AQR: variants seen among roughly 807,000 people sequenced by gnomAD.
AQR encodes aquarius intron-binding spliceosomal factor, also known as RNA helicase aquarius.
A neutral mutation model predicts 180.5 loss-of-function variants in AQR; 61 were observed. That is an observed-to-expected ratio of 0.34 (90% CI 0.28 to 0.42). The LOEUF (loss-of-function observed/expected upper bound fraction) is 0.42. Among genes scored for constraint, AQR ranks in the 10% least tolerant of loss-of-function variants. The probability of loss-of-function intolerance (pLI) is 1.00; values close to 1 mark genes in which losing one functional copy is unlikely to be tolerated. For synonymous variants in AQR, 551 were observed against 588.8 expected (o/e 0.94, Z 0.93); for missense variants, 1,281 against 1,798.3 (o/e 0.71, Z 5.20).
chr15:34,969,618 G>A lies in AQR; in HGVS notation c.-5C>T. The A allele has an allele frequency of 1.2e-6, 2 of 1,612,746 alleles. No individual in the cohort carries two copies. Among genetic ancestry groups the A allele is most frequent in the Non-Finnish European group, 8.5e-7 (1 of 1,179,936 alleles). On this transcript the variant is annotated 5_prime_UTR_variant, in exon 1 of 35. Transcript: ENST00000156471. ...GGGCTGCGCAGGGGCTGCCATGGCA[G>A]CACTCTTCCCTCCACTCCAGTGGAA...
At chr15:34,910,535 A>C (rs1161694509) in intron 16 of AQR, among the ~76,000 whole-genome samples, 1 of 152,202 alleles carries the variant, frequency 6.6e-6, no homozygotes, top group African/African-American at 2.4e-5. Flanking sequence ...TGAAACAGGC[A>C]AACATGGTCC....
chr15:34,936,269 C>T (rs1036000707), intron 9 of AQR, among the ~76,000 whole-genome samples: 1 of 152,154 alleles, frequency 6.6e-6, no homozygotes, highest in African/African-American at 2.4e-5. Flanking sequence ...AACTACAATC[C>T]TTCTCAAAAT....
chr15:34,911,348 AT>A (rs1246468293), intron 16 of AQR, among the ~76,000 whole-genome samples: 1 of 152,098 alleles, frequency 6.6e-6, no homozygotes, highest in Non-Finnish European at 1.5e-5. Context: ...CTGTTTTTTA[AT>A]TTTTTGAGGA....
At position 34,860,067 on chromosome 15, in the gene AQR, A is replaced by G; in HGVS notation, c.4118T>C (p.Ile1373Thr). 6.7e-7 allele frequency: 1 copy of G among 1,483,528 alleles called. No homozygotes were observed. Among genetic ancestry groups the G allele is most frequent in the South Asian group, 1.5e-5 (1 of 68,710 alleles). 91.9% of individuals were successfully genotyped at this position (1,483,528 alleles called of 1,614,324 possible). The change falls in exon 34 of 35, where the codon ATA becomes ACA. Residue 1373 changes from isoleucine to threonine, a missense_variant. Physicochemically the swap from Ile to Thr is moderately conservative, Grantham distance 89. Coordinates refer to ENST00000156471, the MANE Select transcript of AQR (RefSeq NM_014691.3). ...NFVYNMYMHL[I>T]QTTHHYHQTL... The stretch of plus-strand genomic sequence containing the variant: ...CTGATGATAATGATGTGTAGTCTGT[A>G]TCAAATGCATGTACATGTTGTATAC...
In AQR at chr15:34,930,299, C is replaced by G; in HGVS notation, c.973G>C (p.Glu325Gln). The change falls in exon 12 of 35, where the codon GAG becomes CAG. Residue 325 changes from glutamate (E) to glutamine (Q), a missense_variant. By Grantham distance (29) the Glu-to-Gln change is conservative. Around this residue, in one of 9 missense-constraint regions of AQR, gnomAD observed 404 missense variants for 490.9 expected, o/e 0.82. Coordinates refer to ENST00000156471, the MANE Select transcript of AQR (RefSeq NM_014691.3). ...CTATCATAGTGAATTGTGGTCATCTCATTCTCTGTCAGAGCATTTCCAGTT... is the reference window on the plus strand; with the variant it reads ...CTATCATAGTGAATTGTGGTCATCTGATTCTCTGTCAGAGCATTTCCAGTT... ...DQTGNALTENEMTTIHYDRIT... is the reference protein window; with the variant it reads ...DQTGNALTENQMTTIHYDRIT... 6.2e-7 allele frequency: 1 copy of G among 1,610,238 alleles called. No homozygotes were observed.
At chr15:34,938,601 A>T (rs1595803884) in intron 9 of AQR, 136 bp downstream of exon 9, 2 of 579,592 alleles carry the variant, frequency 3.5e-6, no homozygotes, top group Non-Finnish European at 6.2e-6. Flanking sequence ...TAATGTATTT[A>T]AAAAGGAGAG....
intron 3 of AQR, among the ~76,000 whole-genome samples, chr15:34,955,521 T>C (rs995140684): frequency 1.3e-5 from 2 of 152,156 alleles, no homozygotes; most frequent in African/African-American, 4.8e-5. Flanking sequence ...TTGACAAGAT[T>C]GACAAGGGCC....
Position 34,900,637 on chromosome 15 carries a change from T to C in AQR, c.2228A>G (p.Gln743Arg), listed in dbSNP as rs758591290. ...CTGACTTTACCTGAAAGGGGGTATT[T>C]GTAGAGCAGGGTCTTCTACAGTTAC... is the stretch of plus-strand genomic sequence containing the variant. ...VKVTVEDPALQIPPFRITFPV... is the reference protein window; with the variant it reads ...VKVTVEDPALRIPPFRITFPV... Residue 743 changes from glutamine to arginine, a missense_variant, in exon 20 of 35, where the codon CAA becomes CGA. By Grantham distance (43) the Gln-to-Arg change is conservative (BLOSUM62 1). Coordinates refer to ENST00000156471, the MANE Select transcript of AQR (RefSeq NM_014691.3). The C allele has an allele frequency of 6.2e-7, 1 of 1,613,944 alleles. No homozygotes were observed. Among genetic ancestry groups the C allele is most frequent in the South Asian group, 1.1e-5 (1 of 91,026 alleles).
chr15:34,902,943 C>G (rs939907628), intron 19 of AQR, among the ~76,000 whole-genome samples: 4 of 152,056 alleles, frequency 2.6e-5, no homozygotes, highest in African/African-American at 9.7e-5. Context: ...AATTCAGATA[C>G]ATAACAAATG....
intron 18 of AQR, 86 bp from the exon 19 acceptor site, chr15:34,904,591 G>A (rs1456856542): frequency 7.8e-7 from 1 of 1,286,830 alleles, no homozygotes; most frequent in Non-Finnish European, 1.1e-6. Flanking sequence ...TCTAGAAATG[G>A]TGAGTAAATG....
At chr15:34,862,327 C>T (rs7497306) in intron 33 of AQR, among the ~76,000 whole-genome samples, 93,837 of 151,908 alleles carry the variant, frequency 0.62, 31,358 homozygotes, top group South Asian at 0.75. Context: ...GGATGTTATT[C>T]GAAAAGACCT....
At chr15:34,949,810 A>G (rs868254404) in intron 4 of AQR, among the ~76,000 whole-genome samples, 1 of 147,228 alleles carries the variant, frequency 6.8e-6, no homozygotes, top group Non-Finnish European at 1.5e-5. Flanking sequence ...AAAAAAAAAA[A>G]AAACCACTAG....
intron 3 of AQR, among the ~76,000 whole-genome samples, chr15:34,957,713 A>C (rs1894341601): frequency 2.4e-5 from 2 of 82,970 alleles, no homozygotes; most frequent in Non-Finnish European, 3.4e-5. Flanking sequence ...AAAAAACATA[A>C]AAAAAACATA....
At chr15:34,893,920 T>C (rs74430075) in intron 22 of AQR, 147 bp from the exon 23 acceptor site, 9,015 of 632,848 alleles carry the variant, frequency 0.014, 80 homozygotes, top group Non-Finnish European at 0.02. Flanking sequence ...AGAAGAAGAG[T>C]TGGTGAACTT....
chr15:34,913,283 TAG>T (rs1893527213), intron 16 of AQR, among the ~76,000 whole-genome samples: 1 of 152,194 alleles, frequency 6.6e-6, no homozygotes, highest in Non-Finnish European at 1.5e-5. Context: ...TTAAAAAGTA[TAG>T]ATTTCTGGCC....
Position 34,944,261 on chromosome 15 carries a change from T to G in AQR, c.471+27A>C, listed in dbSNP as rs761412113. ...CTAAAAGAACAAGAAAACTTGAAAA[T>G]TACCCCAAAATATAAAGTAAAAGTA... On this transcript the variant is annotated intron_variant, in intron 6 of 34. Coordinates refer to ENST00000156471, the MANE Select transcript of AQR (RefSeq NM_014691.3). 3.9e-6 allele frequency: 6 copies of G among 1,549,630 alleles called. No individual in the cohort carries two copies. The Admixed American group carries it at 8.6e-5, about 22-fold the overall frequency.
rs1893316606 is a variant in AQR at position 34,900,581 on chromosome 15, T to A, written c.2243+41A>T. On this transcript the variant is annotated intron_variant, in intron 20 of 34. Coordinates refer to ENST00000156471, the MANE Select transcript of AQR (RefSeq NM_014691.3). ...TCCTGATGGCATAACGTACATTGAC[T>A]ACAGAATGCTGGAGAGGAGCGTACC... 1.3e-6 allele frequency: 2 copies of A among 1,590,144 alleles called. 1 individual carries two copies. The highest frequency in any genetic ancestry group is 3.4e-4 in the Middle Eastern group (2 of 5,938).
chr15:34,920,817 G>C (rs1449829527), intron 13 of AQR, among the ~76,000 whole-genome samples: 1 of 152,112 alleles, frequency 6.6e-6, no homozygotes, highest in East Asian at 1.9e-4. Context: ...AATTAGCCGG[G>C]CGTGGTGGCG....
At chr15:34,893,011 T>G (rs1035390272) in intron 23 of AQR, among the ~76,000 whole-genome samples, 3 of 152,216 alleles carry the variant, frequency 2.0e-5, no homozygotes, top group African/African-American at 7.2e-5. Flanking sequence ...GTGGTACCTA[T>G]GATCAGATTT....
Sources: gnomAD v4.1 joint callset for allele counts (sites outside exome capture counted in the v4.1 genomes callset) on GRCh38, gnomAD v4.1.1 for gene constraint, gnomAD v4.1.1 regional missense constraint, MANE v1.5 for transcripts, NCBI Gene and HGNC (gene_info 2026-07-23, HGNC 2026-07-21) for gene names.